Variants in DPP6 observed in about 807,000 individuals in gnomAD.
DPP6 encodes the protein dipeptidyl peptidase like 6, also known as A-type potassium channel modulatory protein DPP6.
DPP6 carries 69 observed loss-of-function variants against 122.6 expected under a neutral mutation model. That is an observed-to-expected ratio of 0.56 (90% CI 0.46 to 0.69). The LOEUF is 0.69. DPP6 is among the 30% of genes least tolerant of loss of function. The probability of loss-of-function intolerance (pLI) is 0.00; values close to 1 mark genes in which losing one functional copy is unlikely to be tolerated. For missense variants in DPP6, 928 were observed against 1,116.9 expected (o/e 0.83, Z 2.41); for synonymous variants, 418 against 433.1 (o/e 0.97, Z 0.43).
rs1326650207 is a variant in DPP6, at chr7:154,061,614, C to T, written c.243+8551C>T. ...CCCCCCTGGCTCTTGGGACTCCCAT[C>T]ACAGGGGGGGGAGGCACCCGCTGCG... On this transcript the variant is annotated intron_variant, in intron 1 of 25. Coordinates refer to ENST00000377770, the MANE Select transcript of DPP6 (RefSeq NM_130797.4). Among the ~76,000 whole-genome samples, 2 of 142,370 alleles carry T rather than the reference C, an allele frequency of 1.4e-5. 1 individual carries two copies. Among genetic ancestry groups the T allele is most frequent in the Non-Finnish European group, 3.1e-5 (2 of 64,566 alleles). The allele number at this position is 142,370 out of a possible 152,430, so 93.4% of individuals were successfully genotyped here.
the DPP6 span, among the ~76,000 whole-genome samples, chr7:153,826,040 C>A: frequency 1.3e-5 from 2 of 152,152 alleles, no homozygotes; most frequent in Admixed American, 6.5e-5. Flanking sequence ...TAGCCCTGCA[C>A]AGTCTTTTAT....
chr7:153,852,753 A>G, the DPP6 span, among the ~76,000 whole-genome samples: 21 of 152,234 alleles, frequency 1.4e-4, no homozygotes, highest in Non-Finnish European at 2.9e-4. Flanking sequence ...CTCTTGTGAA[A>G]GTTAGTATTA....
At chr7:153,917,685 C>T (rs771596714) in intron 1 of DPP6, among the ~76,000 whole-genome samples, 1 of 152,180 alleles carries the variant, frequency 6.6e-6, no homozygotes, top group Non-Finnish European at 1.5e-5. Context: ...CTCGAAGATT[C>T]AAATTTCGTG....
At chr7:154,720,477 G>A (rs975752096) in intron 7 of DPP6, among the ~76,000 whole-genome samples, 1 of 152,208 alleles carries the variant, frequency 6.6e-6, no homozygotes, top group African/African-American at 2.4e-5. Context: ...AAGTTTTCTG[G>A]AAGAAGGAAC....
chr7:154,063,027 C>T (rs113069203), intron 1 of DPP6, among the ~76,000 whole-genome samples: 8,545 of 134,760 alleles, frequency 0.063, 1,842 homozygotes, highest in African/African-American at 0.22. Flanking sequence ...CTGAGGAACC[C>T]CATCACAGGA....
At chr7:154,717,594 A>G (rs1841561027) in intron 7 of DPP6, among the ~76,000 whole-genome samples, 1 of 152,150 alleles carries the variant, frequency 6.6e-6, no homozygotes, top group Admixed American at 6.5e-5. Context: ...CTTTGGCTAA[A>G]TACTATTTCC....
intron 1 of DPP6, among the ~76,000 whole-genome samples, chr7:154,357,866 C>T (rs537295231): frequency 2.0e-5 from 3 of 151,530 alleles, no homozygotes; most frequent in Non-Finnish European, 2.9e-5. Context: ...CACCTGAACC[C>T]GGGAGGCAGA....
chr7:154,581,438 C>T (rs1171201432), intron 5 of DPP6, among the ~76,000 whole-genome samples: 1 of 152,192 alleles, frequency 6.6e-6, no homozygotes, highest in East Asian at 1.9e-4. Flanking sequence ...CTCCCACACA[C>T]CCTGATGCAA....
At chr7:154,415,170 C>T (rs1454486042) in intron 1 of DPP6, among the ~76,000 whole-genome samples, 2 of 152,166 alleles carry the variant, frequency 1.3e-5, no homozygotes, top group African/African-American at 4.8e-5. Flanking sequence ...AACCCTTTAG[C>T]ACATACTATC....
chr7:154,815,863 T>C (rs1193021863), intron 16 of DPP6, among the ~76,000 whole-genome samples: 6 of 152,224 alleles, frequency 3.9e-5, no homozygotes, highest in Non-Finnish European at 7.3e-5. Context: ...GATTGGTTTA[T>C]CAAGACAGGC....
At chr7:153,873,984 A>G in the DPP6 span, among the ~76,000 whole-genome samples, 1 of 152,224 alleles carries the variant, frequency 6.6e-6, no homozygotes, top group South Asian at 2.1e-4. Context: ...CACTAGAAAA[A>G]AAGAATTAGA....
chr7:154,777,299 G>T (rs1796639156), intron 10 of DPP6, among the ~76,000 whole-genome samples: 1 of 152,180 alleles, frequency 6.6e-6, no homozygotes, highest in Non-Finnish European at 1.5e-5. Flanking sequence ...AAGTGTTCAG[G>T]ATGGTTTTGC....
At chr7:154,795,009 G>A (rs1032052487) in intron 11 of DPP6, among the ~76,000 whole-genome samples, 1 of 152,152 alleles carries the variant, frequency 6.6e-6, no homozygotes, top group Non-Finnish European at 1.5e-5. Context: ...CCTAAGCACA[G>A]TGATTGTTTC....
intron 16 of DPP6, among the ~76,000 whole-genome samples, chr7:154,811,632 A>T (rs141307159): frequency 1.3e-5 from 2 of 152,350 alleles, no homozygotes; most frequent in East Asian, 3.9e-4. Flanking sequence ...GTGAATCAGG[A>T]TCAAGTGAAT....
chr7:154,828,219 T>TG (rs1800336417), intron 16 of DPP6, among the ~76,000 whole-genome samples: 1 of 152,144 alleles, frequency 6.6e-6, no homozygotes, highest in African/African-American at 2.4e-5. Flanking sequence ...TTGGGGAAGA[T>TG]GGGGCATCAG....
intron 1 of DPP6, among the ~76,000 whole-genome samples, chr7:154,218,447 T>C (rs1209596135): frequency 6.6e-6 from 1 of 152,232 alleles, no homozygotes; most frequent in East Asian, 1.9e-4. Flanking sequence ...ACCCTGCACA[T>C]GTCGTTGTCA....
chr7:154,131,185 T>C (rs570753863), intron 1 of DPP6, among the ~76,000 whole-genome samples: 2 of 152,326 alleles, frequency 1.3e-5, no homozygotes, highest in African/African-American at 2.4e-5. Context: ...TGGAAAATTC[T>C]GGATTCAATG....
intron 5 of DPP6, among the ~76,000 whole-genome samples, chr7:154,583,578 C>G (rs1832228987): frequency 6.6e-6 from 1 of 152,168 alleles, no homozygotes; most frequent in African/African-American, 2.4e-5. Flanking sequence ...ACCCAAAACG[C>G]GATACACTGA....
At chr7:154,249,924 A>G (rs1802240699) in intron 1 of DPP6, among the ~76,000 whole-genome samples, 1 of 152,174 alleles carries the variant, frequency 6.6e-6, no homozygotes, top group Non-Finnish European at 1.5e-5. Flanking sequence ...AAAAGGCAGA[A>G]ATGAAATCCA....
Sources: allele counts gnomAD v4.1 joint callset (sites outside exome capture counted in the v4.1 genomes callset), GRCh38; gene constraint gnomAD v4.1.1; transcripts MANE v1.5; gene names NCBI Gene and HGNC (gene_info 2026-07-23, HGNC 2026-07-21).